ST6GALNAC3: variants seen among roughly 807,000 people sequenced by gnomAD.
The protein encoded by ST6GALNAC3 is alpha-N-acetylgalactosaminide alpha-2,6-sialyltransferase 3.
A neutral mutation model predicts 32.7 loss-of-function variants in ST6GALNAC3; 25 were observed. The observed-to-expected ratio is 0.76, with a 90% confidence interval of 0.56 to 1.07. The LOEUF (loss-of-function observed/expected upper bound fraction) is 1.07, where lower values mean the gene tolerates loss of function less well. Among genes scored for constraint, ST6GALNAC3 ranks in the 50% least tolerant of loss-of-function variants. The probability of loss-of-function intolerance (pLI) is 0.00; values close to 1 mark genes in which losing one functional copy is unlikely to be tolerated. For missense variants in ST6GALNAC3, 355 were observed against 382.4 expected (o/e 0.93, Z 0.60); for synonymous variants, 129 against 133.1 (o/e 0.97, Z 0.21).
At chr1:76,480,044 C>T (rs939519852) in intron 3 of ST6GALNAC3, among the ~76,000 whole-genome samples, 5 of 152,172 alleles carry the variant, frequency 3.3e-5, no homozygotes, top group East Asian at 3.9e-4. Context: ...ACAGCTCCCA[C>T]GTCTGTAATT....
intron 1 of ST6GALNAC3, among the ~76,000 whole-genome samples, chr1:76,164,344 A>G (rs1026260071): frequency 6.6e-6 from 1 of 152,130 alleles, no homozygotes; most frequent in Non-Finnish European, 1.5e-5. Context: ...AAGAAACTCC[A>G]ATAGGGCCCT....
chr1:76,535,552 C>T (rs890518574), intron 3 of ST6GALNAC3, among the ~76,000 whole-genome samples: 1 of 152,088 alleles, frequency 6.6e-6, no homozygotes, highest in African/African-American at 2.4e-5. Context: ...GGGCCAGAAT[C>T]CTGAGTTCTA....
At chr1:76,406,928 A>G (rs1243842034) in intron 2 of ST6GALNAC3, among the ~76,000 whole-genome samples, 1 of 152,038 alleles carries the variant, frequency 6.6e-6, no homozygotes, top group African/African-American at 2.4e-5. Context: ...GAATAATGTA[A>G]TAAAGTACTG....
At chr1:76,557,100 A>G (rs1047435162) in intron 3 of ST6GALNAC3, among the ~76,000 whole-genome samples, 1 of 152,010 alleles carries the variant, frequency 6.6e-6, no homozygotes, top group African/African-American at 2.4e-5. Flanking sequence ...ATATACAGTT[A>G]TCACCGAACC....
chr1:76,427,603 C>G (rs1655484147), intron 3 of ST6GALNAC3, among the ~76,000 whole-genome samples: 1 of 152,122 alleles, frequency 6.6e-6, no homozygotes, highest in Admixed American at 6.6e-5. Context: ...GGGAGGGACA[C>G]TGGTCCATAT....
intron 3 of ST6GALNAC3, among the ~76,000 whole-genome samples, chr1:76,567,415 T>G (rs2100467936): frequency 6.6e-6 from 1 of 152,298 alleles, no homozygotes; most frequent in Admixed American, 6.5e-5. Flanking sequence ...CAGTTGTTAT[T>G]TACTTATGAC....
chr1:76,457,380 G>A (rs1657901233), intron 3 of ST6GALNAC3, among the ~76,000 whole-genome samples: 1 of 151,948 alleles, frequency 6.6e-6, no homozygotes, highest in African/African-American at 2.4e-5. Flanking sequence ...AACCAAAAAG[G>A]AGCCCGCATC....
intron 1 of ST6GALNAC3, among the ~76,000 whole-genome samples, chr1:76,165,202 T>C (rs993030492): frequency 6.6e-6 from 1 of 152,142 alleles, no homozygotes; most frequent in Non-Finnish European, 1.5e-5. Flanking sequence ...CCAGTGTATG[T>C]TGTTCCCTTC....
chr1:76,296,104 A>G (rs1355679806), intron 1 of ST6GALNAC3, among the ~76,000 whole-genome samples: 2 of 152,066 alleles, frequency 1.3e-5, no homozygotes, highest in Non-Finnish European at 2.9e-5. Flanking sequence ...GCAGGTTACT[A>G]TCCTCATGTT....
At chr1:76,128,598 G>C (rs1158971165) in intron 1 of ST6GALNAC3, among the ~76,000 whole-genome samples, 2 of 152,168 alleles carry the variant, frequency 1.3e-5, no homozygotes, top group African/African-American at 2.4e-5. Flanking sequence ...CAAGATGCCA[G>C]GACAAAAACC....
At chr1:76,464,762 C>A (rs971653219) in intron 3 of ST6GALNAC3, among the ~76,000 whole-genome samples, 1 of 152,152 alleles carries the variant, frequency 6.6e-6, no homozygotes, top group South Asian at 2.1e-4. Flanking sequence ...CCTACGAGGT[C>A]ATTCTTAATT....
At chr1:76,390,421 A>G (rs4949714) in intron 2 of ST6GALNAC3, among the ~76,000 whole-genome samples, 150,062 of 152,326 alleles carry the variant, frequency 0.99, 73,965 homozygotes, top group Middle Eastern at 1. Context: ...TTACTGAAAA[A>G]TTATTAACTA....
At chr1:76,627,715 AAGTTGTGACTTCT>A (rs1457093412) in intron 4 of ST6GALNAC3, among the ~76,000 whole-genome samples, 156 bp downstream of exon 4, 1 of 151,938 alleles carries the variant, frequency 6.6e-6, no homozygotes, top group Non-Finnish European at 1.5e-5. Context: ...TCAGTGCGTC[AAGTTGTGACTTCT>A]AGGGGTGAGA....
At chr1:76,198,133 G>A (rs2100529883) in intron 1 of ST6GALNAC3, among the ~76,000 whole-genome samples, 1 of 152,220 alleles carries the variant, frequency 6.6e-6, no homozygotes, top group Admixed American at 6.5e-5. Context: ...GACTTCCCAG[G>A]CTCAAGTGAT....
intron 1 of ST6GALNAC3, among the ~76,000 whole-genome samples, chr1:76,092,250 C>A (rs1178193870): frequency 6.6e-6 from 1 of 152,130 alleles, no homozygotes; most frequent in Non-Finnish European, 1.5e-5. Flanking sequence ...CTTTGTTTTG[C>A]CTAATACGTA....
At chr1:76,397,907 GT>G (rs1414276124) in intron 2 of ST6GALNAC3, among the ~76,000 whole-genome samples, 1 of 151,960 alleles carries the variant, frequency 6.6e-6, no homozygotes, top group Non-Finnish European at 1.5e-5. Context: ...TCTGGTTGCT[GT>G]GTTTGCAAGG....
At chr1:76,184,308 G>A (rs1376517712) in intron 1 of ST6GALNAC3, among the ~76,000 whole-genome samples, 1 of 152,106 alleles carries the variant, frequency 6.6e-6, no homozygotes, top group Admixed American at 6.5e-5. Context: ...GGAGGCCAAA[G>A]CAGGAGGATC....
At chr1:76,288,369 A>C (rs1659897201) in intron 1 of ST6GALNAC3, among the ~76,000 whole-genome samples, 1 of 152,218 alleles carries the variant, frequency 6.6e-6, no homozygotes, top group Non-Finnish European at 1.5e-5. Flanking sequence ...ATGTTTTAAC[A>C]CTACACATTC....
intron 2 of ST6GALNAC3, among the ~76,000 whole-genome samples, chr1:76,378,901 G>A (rs1438209635): frequency 6.6e-6 from 1 of 151,866 alleles, no homozygotes; most frequent in Non-Finnish European, 1.5e-5. Flanking sequence ...TCAGACCTAA[G>A]AATGTTTTCT....
Sources: allele counts gnomAD v4.1 joint callset (sites outside exome capture counted in the v4.1 genomes callset), GRCh38; gene constraint gnomAD v4.1.1; transcripts MANE v1.5; gene names NCBI Gene and HGNC (gene_info 2026-07-23, HGNC 2026-07-21).